Variants in LCORL observed in about 807,000 individuals in gnomAD.
LCORL encodes ligand-dependent nuclear receptor corepressor-like protein.
Under a neutral mutation model 141.8 loss-of-function variants are expected in LCORL, and 41 were observed. That is an observed-to-expected ratio of 0.29 (90% CI 0.23 to 0.38). The LOEUF is 0.38. Among genes scored for constraint, LCORL ranks in the 10% least tolerant of loss-of-function variants. LCORL has a pLI of 1.00. For synonymous variants in LCORL, 618 were observed against 694.1 expected (o/e 0.89, Z 1.72); for missense variants, 1,759 against 2,035.0 (o/e 0.86, Z 2.61).
intron 1 of LCORL, among the ~76,000 whole-genome samples, chr4:18,007,132 C>G (rs1722951032): frequency 6.6e-6 from 1 of 152,170 alleles, no homozygotes; most frequent in South Asian, 2.1e-4. Context: ...GCAGAGTAAT[C>G]TTATAAAACC....
chr4:18,003,388 G>T (rs898711663), intron 1 of LCORL, among the ~76,000 whole-genome samples: 4 of 152,066 alleles, frequency 2.6e-5, no homozygotes, highest in Admixed American at 2.0e-4. Flanking sequence ...CATAGCAGAT[G>T]AGAAGGAAGA....
chr4:17,882,885 T>C, intron 6 of LCORL: 1 of 970,790 alleles, frequency 1.0e-6, no homozygotes, highest in Non-Finnish European at 1.2e-6. Context: ...CCAACTTTCT[T>C]TTCTAACCTT....
In LCORL at chr4:17,884,403, G is replaced by A. The variant is rs191291981; in HGVS notation, c.776+1665C>T. 3.7e-5 allele frequency: 58 copies of A among 1,549,200 alleles called. No individual in the cohort carries two copies. In the African/African-American group the frequency reaches 7.6e-4, roughly 20 times the overall value. On this transcript the variant is annotated intron_variant, in intron 6 of 7. Transcript: ENST00000635767. This position sits in a 1 kb window ranked among gnomAD's most constrained non-coding sequence, Gnocchi z 4.4. ...TGATGGAGGTAAGTGGAAGCTGTTGGGAATTTTATTTCTGAGGTTTCAAGT... is the reference window on the plus strand; with the variant it reads ...TGATGGAGGTAAGTGGAAGCTGTTGAGAATTTTATTTCTGAGGTTTCAAGT...
chr4:17,846,336 C>T (rs1722933459), intron 7 of LCORL, among the ~76,000 whole-genome samples: 1 of 152,086 alleles, frequency 6.6e-6, no homozygotes, highest in African/African-American at 2.4e-5. Flanking sequence ...TTTGCAAAAG[C>T]CAAGTAAGGT....
At chr4:17,880,722 C>A in intron 6 of LCORL, 1 of 971,008 alleles carries the variant, frequency 1.0e-6, no homozygotes, top group Non-Finnish European at 1.2e-6. Context: ...CCTAGAAACA[C>A]GTTAACTGAA....
At chr4:17,915,666 T>G (rs1347123053) in intron 4 of LCORL, among the ~76,000 whole-genome samples, 1 of 152,200 alleles carries the variant, frequency 6.6e-6, no homozygotes, top group African/African-American at 2.4e-5. Flanking sequence ...TTACTGGAAT[T>G]ATGTAATGGG....
chr4:17,975,641 CCATCT>C (rs1716803587), intron 1 of LCORL, among the ~76,000 whole-genome samples: 1 of 152,154 alleles, frequency 6.6e-6, no homozygotes, highest in South Asian at 2.1e-4. Context: ...GGTGATCCAT[CCATCT>C]CAGCCTCCCA....
intron 1 of LCORL, among the ~76,000 whole-genome samples, chr4:17,980,769 G>A (rs567395516): frequency 6.6e-6 from 1 of 152,154 alleles, no homozygotes; most frequent in Non-Finnish European, 1.5e-5. Context: ...GGTGAGCAGC[G>A]GGCAAGCGAG....
chr4:17,942,758 T>C (rs1035160490), intron 4 of LCORL, among the ~76,000 whole-genome samples: 1 of 152,134 alleles, frequency 6.6e-6, no homozygotes, highest in African/African-American at 2.4e-5. Context: ...ATATAAAGAT[T>C]ATATATTTCT....
chr4:17,942,632 T>C (rs573779022), intron 4 of LCORL, among the ~76,000 whole-genome samples: 5 of 152,312 alleles, frequency 3.3e-5, no homozygotes, highest in African/African-American at 9.6e-5. Flanking sequence ...TTACTAAAAA[T>C]CAATTATCAA....
At chr4:17,954,841 A>G (rs1712267430) in intron 4 of LCORL, among the ~76,000 whole-genome samples, 1 of 152,218 alleles carries the variant, frequency 6.6e-6, no homozygotes, top group Non-Finnish European at 1.5e-5. Context: ...AAAGATGGAA[A>G]AAGCTGGGGA....
intron 1 of LCORL, among the ~76,000 whole-genome samples, chr4:17,985,201 A>G (rs540456788): frequency 5.9e-5 from 9 of 151,924 alleles, no homozygotes; most frequent in Non-Finnish European, 8.8e-5. Flanking sequence ...AGTCAGTTTT[A>G]GAGTATGTGA....
At chr4:17,881,134 G>C (rs1404614021) in intron 6 of LCORL, 2 of 982,112 alleles carry the variant, frequency 2.0e-6, no homozygotes, top group African/African-American at 3.5e-5. Context: ...TCTAAAAACA[G>C]AGGCACTGTT....
chr4:17,942,995 G>A (rs1738220541), intron 4 of LCORL, among the ~76,000 whole-genome samples: 1 of 152,156 alleles, frequency 6.6e-6, no homozygotes, highest in Admixed American at 6.5e-5. Context: ...TCTAACCAAT[G>A]CCTGATGATC....
chr4:17,929,222 G>T (rs1187814531), intron 4 of LCORL, among the ~76,000 whole-genome samples: 1 of 152,048 alleles, frequency 6.6e-6, no homozygotes, highest in East Asian at 1.9e-4. Flanking sequence ...TTATCAACAG[G>T]TTCAACAGAA....
At chr4:18,017,485 C>T (rs1724813739) in intron 1 of LCORL, among the ~76,000 whole-genome samples, 1 of 152,120 alleles carries the variant, frequency 6.6e-6, no homozygotes, top group Non-Finnish European at 1.5e-5. Flanking sequence ...ACACCAACAT[C>T]ATGAATCTCA....
chr4:17,920,376 C>T (rs1047036974), intron 4 of LCORL, among the ~76,000 whole-genome samples: 1 of 152,138 alleles, frequency 6.6e-6, no homozygotes, highest in African/African-American at 2.4e-5. Flanking sequence ...TTTAAGAATA[C>T]CTTATTGTTA....
intron 4 of LCORL, among the ~76,000 whole-genome samples, chr4:17,950,874 A>T (rs1739614330): frequency 6.6e-6 from 1 of 152,172 alleles, no homozygotes; most frequent in Admixed American, 6.5e-5. Context: ...GAGAAGACTC[A>T]CCACATTAAA....
chr4:17,942,152 G>A (rs1445469315), intron 4 of LCORL, among the ~76,000 whole-genome samples: 3 of 152,060 alleles, frequency 2.0e-5, no homozygotes, highest in African/African-American at 7.2e-5. Context: ...GTAAAACAAA[G>A]TAAAAGTGTT....
Sources: gnomAD v4.1 joint callset for allele counts (sites outside exome capture counted in the v4.1 genomes callset) on GRCh38, gnomAD v4.1.1 for gene constraint, Gnocchi (gnomAD v3.1) non-coding constraint, MANE v1.5 for transcripts, NCBI Gene and HGNC (gene_info 2026-07-23, HGNC 2026-07-21) for gene names.